The following MOB3B variants were observed in gnomAD, a reference collection of about 807,000 sequenced individuals.
The protein encoded by MOB3B is MOB kinase activator-like 2B.
In MOB3B, 7 loss-of-function variants were observed where a neutral mutation model predicts 18.7. That is an observed-to-expected ratio of 0.37 (90% CI 0.21 to 0.70). MOB3B has a LOEUF of 0.70. Ranked by LOEUF, MOB3B falls within the 30% of genes least tolerant of loss-of-function variation. The pLI is 0.52. For missense variants in MOB3B, 253 were observed against 281.3 expected, an observed-to-expected ratio of 0.90 and a Z score of 0.72; for synonymous variants, 111 against 99.9, an observed-to-expected ratio of 1.11 and a Z score of -0.66.
chr9:27,350,371 A>G (rs1424739753), intron 3 of MOB3B, among the ~76,000 whole-genome samples: 2 of 151,552 alleles, frequency 1.3e-5, no homozygotes, highest in Non-Finnish European at 2.9e-5. Flanking sequence ...TCCTGCTTTT[A>G]TTACTTAATA....
intron 1 of MOB3B, among the ~76,000 whole-genome samples, chr9:27,511,433 CG>C (rs1563886798): frequency 6.6e-6 from 1 of 152,092 alleles, no homozygotes; most frequent in Non-Finnish European, 1.5e-5. Flanking sequence ...ATGTATTCAC[CG>C]GTAACACTGT....
chr9:27,502,011 T>C (rs933244745), intron 1 of MOB3B, among the ~76,000 whole-genome samples: 1 of 152,222 alleles, frequency 6.6e-6, no homozygotes, highest in Non-Finnish European at 1.5e-5. Flanking sequence ...AAGACTAGAA[T>C]CTGACCCTGT....
chr9:27,518,208 C>T lies in MOB3B; in HGVS notation c.-199+11347G>A, dbSNP rs935438830. Reference sequence around the variant, plus strand: ...GAAGACACTGTCTTCATCTCCACAACGCCAACTCCTTTTAAAATGTTTACC... The same window carrying T: ...GAAGACACTGTCTTCATCTCCACAATGCCAACTCCTTTTAAAATGTTTACC... On this transcript the variant is annotated intron_variant, in intron 1 of 3. Transcript: ENST00000262244. Among the ~76,000 whole-genome samples the T allele has an allele frequency of 1.1e-4, 17 of 152,184 alleles. No homozygotes were observed. The East Asian group carries it at 1.3e-3, about 12-fold the overall frequency.
chr9:27,357,489 A>G (rs971032574), intron 3 of MOB3B, among the ~76,000 whole-genome samples: 4 of 151,900 alleles, frequency 2.6e-5, no homozygotes, highest in Non-Finnish European at 5.9e-5. Context: ...CCAAGGTATC[A>G]GATAACTAGG....
chr9:27,423,398 C>CT (rs34788661), intron 2 of MOB3B, among the ~76,000 whole-genome samples: 13,621 of 141,938 alleles, frequency 0.096, 660 homozygotes, highest in South Asian at 0.12. Flanking sequence ...TGGCAATACT[C>CT]TTTTTTTTTT....
intron 2 of MOB3B, among the ~76,000 whole-genome samples, chr9:27,361,126 C>T (rs1277678824): frequency 1.3e-5 from 2 of 152,090 alleles, no homozygotes; most frequent in East Asian, 1.9e-4. Context: ...GCCAGGAGGT[C>T]GACATATGTT....
chr9:27,518,192 G>GTCTT (rs1820267939), intron 1 of MOB3B, among the ~76,000 whole-genome samples: 1 of 152,182 alleles, frequency 6.6e-6, no homozygotes, highest in Non-Finnish European at 1.5e-5. Context: ...AGAAGACACT[G>GTCTT]TCTTCATCTC....
At chr9:27,417,529 C>A (rs1479965791) in intron 2 of MOB3B, among the ~76,000 whole-genome samples, 1 of 152,144 alleles carries the variant, frequency 6.6e-6, no homozygotes, top group African/African-American at 2.4e-5. Context: ...TCACAGCCTC[C>A]CTGTGCCCAG....
chr9:27,371,394 G>T (rs1490474951), intron 2 of MOB3B, among the ~76,000 whole-genome samples: 1 of 152,178 alleles, frequency 6.6e-6, no homozygotes, highest in Non-Finnish European at 1.5e-5. Context: ...GAAAGACGGT[G>T]AGTGGATGCT....
At chr9:27,426,431 A>G (rs1397348366) in intron 2 of MOB3B, among the ~76,000 whole-genome samples, 1 of 152,204 alleles carries the variant, frequency 6.6e-6, no homozygotes, top group African/African-American at 2.4e-5. Flanking sequence ...TCAAGCCTGC[A>G]TCAGTTGAGA....
In MOB3B at chr9:27,371,043, G is replaced by T. The variant is rs144850472; in HGVS notation, c.419-11807C>A. Among the ~76,000 whole-genome samples the T allele has an allele frequency of 3.3e-5, 5 of 152,314 alleles. No homozygotes were observed. In the East Asian group the frequency reaches 7.7e-4, roughly 23 times the overall value. Reference sequence around the variant, plus strand: ...GATTTTTACTGATACCGAGGAAGAAGTATCTCCCTCTTCGAATTGTATTGT... The same window carrying T: ...GATTTTTACTGATACCGAGGAAGAATTATCTCCCTCTTCGAATTGTATTGT... On this transcript the variant is annotated intron_variant, in intron 2 of 3. Transcript: ENST00000262244.
At chr9:27,495,289 C>T (rs1424129348) in intron 1 of MOB3B, among the ~76,000 whole-genome samples, 1 of 152,028 alleles carries the variant, frequency 6.6e-6, no homozygotes, top group African/African-American at 2.4e-5. Context: ...CATGATTGTA[C>T]CACCACACTC....
At chr9:27,353,606 A>C (rs1377074930) in intron 3 of MOB3B, among the ~76,000 whole-genome samples, 1 of 152,152 alleles carries the variant, frequency 6.6e-6, no homozygotes, top group African/African-American at 2.4e-5. Context: ...GAGAATGAGA[A>C]GGTCCTGGAC....
chr9:27,479,008 T>C (rs1444820264), intron 1 of MOB3B, among the ~76,000 whole-genome samples: 1 of 152,160 alleles, frequency 6.6e-6, no homozygotes, highest in Non-Finnish European at 1.5e-5. Flanking sequence ...ACATTCAAAG[T>C]GGTAATAAAA....
At chr9:27,494,272 G>C (rs893364915) in intron 1 of MOB3B, among the ~76,000 whole-genome samples, 1 of 152,060 alleles carries the variant, frequency 6.6e-6, no homozygotes, top group Admixed American at 6.6e-5. Flanking sequence ...CTATGATCTC[G>C]CCCTGCCTCC....
intron 2 of MOB3B, among the ~76,000 whole-genome samples, chr9:27,445,103 C>T (rs540682739): frequency 6.6e-6 from 1 of 152,278 alleles, no homozygotes; most frequent in East Asian, 1.9e-4. Flanking sequence ...GCAAAATTCT[C>T]CTATGTAATC....
intron 2 of MOB3B, among the ~76,000 whole-genome samples, chr9:27,360,193 G>T (rs1821253387): frequency 6.6e-6 from 1 of 152,132 alleles, no homozygotes; most frequent in Non-Finnish European, 1.5e-5. Context: ...ACAAGGTAAG[G>T]TCTGTTGTTA....
intron 2 of MOB3B, among the ~76,000 whole-genome samples, chr9:27,373,774 C>A (rs1274946547): frequency 1.3e-5 from 2 of 151,864 alleles, no homozygotes; most frequent in Non-Finnish European, 2.9e-5. Context: ...ATCCTTATCC[C>A]AAAAAAAACC....
intron 3 of MOB3B, among the ~76,000 whole-genome samples, chr9:27,345,993 C>T (rs1821026428): frequency 6.6e-6 from 1 of 152,130 alleles, no homozygotes; most frequent in Admixed American, 6.6e-5. Context: ...TGGTGTCTTC[C>T]AAAATTCATG....
Sources: gnomAD v4.1 joint callset for allele counts (sites outside exome capture counted in the v4.1 genomes callset) on GRCh38, gnomAD v4.1.1 for gene constraint, MANE v1.5 for transcripts, NCBI Gene and HGNC (gene_info 2026-07-23, HGNC 2026-07-21) for gene names.